The following MYH9 variants were observed in gnomAD, a reference collection of about 807,000 sequenced individuals.
MYH9 encodes myosin heavy chain 9.
A neutral mutation model predicts 241.9 loss-of-function variants in MYH9; 29 were observed. That is an observed-to-expected ratio of 0.12 (90% confidence interval 0.09 to 0.16). The LOEUF (loss-of-function observed/expected upper bound fraction) is 0.16. MYH9 is among the 10% of genes least tolerant of loss of function. The pLI is 1.00. For synonymous variants in MYH9, 1,047 were observed against 1,062.6 expected (o/e 0.99, Z 0.29); for missense variants, 1,803 against 2,595.5 (o/e 0.69, Z 6.63).
intron 15 of MYH9, among the ~76,000 whole-genome samples, chr22:36,307,076 G>A (rs141287445): frequency 1.1e-4 from 17 of 152,122 alleles, no homozygotes; most frequent in East Asian, 5.8e-4. Flanking sequence ...AAGAGCACTC[G>A]GCTGGGAGTC....
intron 1 of MYH9, 59 bp downstream of exon 1, chr22:36,387,748 T>TCGCCCCCGCCCGCC (rs1603484873): frequency 1.3e-5 from 2 of 151,544 alleles, no homozygotes; most frequent in East Asian, 3.9e-4. Context: ...GCAGCGCGTC[T>TCGCCCCCGCCCGCC]CGCCCCCGCC....
chr22:36,359,463 G>T (rs768091838), intron 1 of MYH9, among the ~76,000 whole-genome samples: 8 of 152,210 alleles, frequency 5.3e-5, no homozygotes, highest in Non-Finnish European at 1.2e-4. Flanking sequence ...AAGGGTTATA[G>T]CCACCTAATT....
intron 2 of MYH9, 107 bp downstream of exon 2, chr22:36,348,797 C>G: frequency 8.9e-7 from 1 of 1,119,944 alleles, no homozygotes; most frequent in Non-Finnish European, 1.3e-6. Flanking sequence ...CCCTTCTCAA[C>G]CAGAGAGCCA....
intron 1 of MYH9, among the ~76,000 whole-genome samples, chr22:36,372,895 G>A (rs1603484540): frequency 1.3e-5 from 2 of 152,272 alleles, no homozygotes; most frequent in East Asian, 3.9e-4. Context: ...GGGAACAGGG[G>A]CCTTGGAGGC....
At chr22:36,315,196 C>A (rs552446231) in intron 12 of MYH9, among the ~76,000 whole-genome samples, 1 of 152,094 alleles carries the variant, frequency 6.6e-6, no homozygotes, top group Non-Finnish European at 1.5e-5. Flanking sequence ...GAATGTAACA[C>A]GAAAACATCT....
chr22:36,367,214 A>G (rs2018024383), intron 1 of MYH9, among the ~76,000 whole-genome samples: 1 of 152,176 alleles, frequency 6.6e-6, no homozygotes, highest in Non-Finnish European at 1.5e-5. Flanking sequence ...GTTAAGCAGG[A>G]TCTCGCTGAG....
chr22:36,365,543 T>G (rs2017997979), intron 1 of MYH9, among the ~76,000 whole-genome samples: 1 of 152,128 alleles, frequency 6.6e-6, no homozygotes, highest in East Asian at 1.9e-4. Flanking sequence ...CTTGGCTCGC[T>G]GCAACCTCCT....
chr22:36,295,131 C>T lies in MYH9; in HGVS notation c.3486-55G>A. ...GCCGGGGATGCTGGAGCGAGGCTGTCCCTGGGGCTCTTCCCTGACCAAAGA... is the reference window on the plus strand; with the variant it reads ...GCCGGGGATGCTGGAGCGAGGCTGTTCCTGGGGCTCTTCCCTGACCAAAGA... On this transcript the variant is annotated intron_variant, in intron 26 of 40. Transcript: ENST00000216181. This position sits in a 1 kb window ranked among gnomAD's most constrained non-coding sequence, Gnocchi z 4.1. 1 of 1,612,560 alleles carries T rather than the reference C, an allele frequency of 6.2e-7. No homozygotes were observed. The highest frequency in any genetic ancestry group is 8.5e-7 in the Non-Finnish European group (1 of 1,179,508).
chr22:36,305,980 G>A lies in MYH9; in HGVS notation c.2109C>T (p.Ile703=), dbSNP rs760103648. Residue 703 remains isoleucine (I), a synonymous_variant, in exon 17 of 41, where the codon ATC becomes ATT. Coordinates refer to ENST00000216181, the MANE Select transcript of MYH9 (RefSeq NM_002473.6). The surrounding 1 kb of genome is among the most constrained non-coding windows in gnomAD (Gnocchi z 4.7). Reference sequence around the variant, plus strand: ...CCCTGTTGGGGAAGCCCTGGCGGCAGATACGGATGCCCTCGAGAACACCGT... The same window carrying A: ...CCCTGTTGGGGAAGCCCTGGCGGCAAATACGGATGCCCTCGAGAACACCGT... ...RCNGVLEGIR[I]CRQGFPNRVV... 3 of 1,613,576 alleles carry A rather than the reference G, an allele frequency of 1.9e-6. No homozygotes were observed. Among genetic ancestry groups the A allele is most frequent in the Admixed American group, 1.7e-5 (1 of 60,034 alleles).
intron 3 of MYH9, 36 bp downstream of exon 3, chr22:36,341,334 A>G: frequency 1.2e-6 from 2 of 1,612,204 alleles, no homozygotes; most frequent in Non-Finnish European, 1.7e-6. Flanking sequence ...CCAGGTGAAG[A>G]TTCAGCCCCA....
At chr22:36,335,492 C>T (rs1473986217) in intron 3 of MYH9, among the ~76,000 whole-genome samples, 1 of 152,238 alleles carries the variant, frequency 6.6e-6, no homozygotes, top group South Asian at 2.1e-4. Context: ...GCTCCTTCCT[C>T]AGCTGCCTGT....
rs972459144 is a variant in MYH9 at position 36,316,644 on chromosome 22, G to A, written c.1253C>T (p.Ala418Val). The A allele has an allele frequency of 3.1e-6, 5 of 1,613,898 alleles. No individual in the cohort carries two copies. In the Admixed American group the frequency reaches 6.7e-5, roughly 22 times the overall value. ...EQADFAIEAL[A>V]KATYERMFRW... ...GAACATCCGCTCATAGGTCGCCTTG[G>A]CCAAGGCCTCGATGGCAAAGTCAGC... Residue 418 changes from alanine (A) to valine (V), a missense_variant, in exon 12 of 41, where the codon GCC (alanine) becomes GTC (valine). Coordinates refer to ENST00000216181, the MANE Select transcript of MYH9 (RefSeq NM_002473.6).
chr22:36,371,346 G>C (rs944199011), intron 1 of MYH9, among the ~76,000 whole-genome samples: 4 of 152,164 alleles, frequency 2.6e-5, no homozygotes, highest in African/African-American at 7.2e-5. Flanking sequence ...TGCGTGCACA[G>C]AGCGAAGACC....
Position 36,321,890 on chromosome 22 carries a change from ACCACAG to A in MYH9, c.706-75_706-70del, listed in dbSNP as rs2017258812. 1.7e-5 allele frequency: 23 copies of A among 1,342,264 alleles called. No individual in the cohort carries two copies. In the South Asian group the frequency reaches 2.7e-4, roughly 16 times the overall value. The allele number at this position is 1,342,264 out of a possible 1,614,324, so 83.1% of individuals were successfully genotyped here. A position where few individuals can be genotyped will look rare whatever the true frequency, so the allele number is the denominator to read the frequency against. The stretch of plus-strand genomic sequence containing the variant: ...TGGGGAGCTAGAGAGCACGGGGGAG[ACCACAG>A]CCCCCCGCCCCACCTCCGGTGGGCA... On this transcript the variant is annotated intron_variant, in intron 6 of 40. Transcript: ENST00000216181.
intron 30 of MYH9, among the ~76,000 whole-genome samples, 198 bp from the exon 31 acceptor site, chr22:36,292,432 TGTC>T (rs1396027242): frequency 2.6e-5 from 4 of 152,194 alleles, no homozygotes; most frequent in Non-Finnish European, 5.9e-5. Flanking sequence ...AAGGGGCATC[TGTC>T]TACTGTGTGA....
chr22:36,302,109 T>C (rs763844869), intron 20 of MYH9, among the ~76,000 whole-genome samples: 1 of 152,228 alleles, frequency 6.6e-6, no homozygotes, highest in South Asian at 2.1e-4. Flanking sequence ...TGAGGTTTTA[T>C]AGGCAGTGAG....
chr22:36,370,319 T>C (rs1569537048), intron 1 of MYH9, among the ~76,000 whole-genome samples: 1 of 152,162 alleles, frequency 6.6e-6, no homozygotes, highest in African/African-American at 2.4e-5. Flanking sequence ...AATAAAGCCA[T>C]CTACCCAGGA....
At chr22:36,363,718 G>A (rs147533243) in intron 1 of MYH9, among the ~76,000 whole-genome samples, 1 of 152,310 alleles carries the variant, frequency 6.6e-6, no homozygotes, top group East Asian at 1.9e-4. Flanking sequence ...TTTCAGGTAT[G>A]GTGGGGACGT....
intron 2 of MYH9, among the ~76,000 whole-genome samples, chr22:36,345,772 G>C (rs1245560033): frequency 6.6e-6 from 1 of 152,214 alleles, no homozygotes; most frequent in Non-Finnish European, 1.5e-5. Flanking sequence ...TCCAGCCTCA[G>C]CCTGGCCAAC....
Sources: allele counts gnomAD v4.1 joint callset (sites outside exome capture counted in the v4.1 genomes callset), GRCh38; gene constraint gnomAD v4.1.1; non-coding constraint Gnocchi (gnomAD v3.1); transcripts MANE v1.5; gene names NCBI Gene and HGNC (gene_info 2026-07-23, HGNC 2026-07-21).